Variants in CCSER1 observed in about 807,000 individuals in gnomAD.
CCSER1 encodes serine-rich coiled-coil domain-containing protein 1.
Under a neutral mutation model 82.0 loss-of-function variants are expected in CCSER1, and 41 were observed. That is an observed-to-expected ratio of 0.50 (90% CI 0.39 to 0.65). The LOEUF is 0.65. Ranked by LOEUF, CCSER1 falls within the 30% of genes least tolerant of loss-of-function variation. The probability of loss-of-function intolerance (pLI) is 0.00; values close to 1 mark genes in which losing one functional copy is unlikely to be tolerated. For missense variants in CCSER1, 1,119 were observed against 1,064.2 expected, an observed-to-expected ratio of 1.05 and a Z score of -0.72; for synonymous variants, 414 against 383.9, an observed-to-expected ratio of 1.08 and a Z score of -0.92.
At chr4:90,665,080 T>C (rs563853929) in intron 6 of CCSER1, among the ~76,000 whole-genome samples, 2 of 152,292 alleles carry the variant, frequency 1.3e-5, no homozygotes, top group East Asian at 3.9e-4. Flanking sequence ...ACTTTTGGCT[T>C]TCTATTACAT....
intron 5 of CCSER1, among the ~76,000 whole-genome samples, chr4:90,527,360 G>A (rs77273849): frequency 0.051 from 7,716 of 152,168 alleles, 243 homozygotes; most frequent in African/African-American, 0.056. Flanking sequence ...ATGATCACTG[G>A]TCATTAAGGA....
At chr4:90,328,482 A>C (rs1272974664) in intron 3 of CCSER1, among the ~76,000 whole-genome samples, 2 of 152,194 alleles carry the variant, frequency 1.3e-5, no homozygotes, top group East Asian at 3.8e-4. Flanking sequence ...TGTCATTTAA[A>C]GTAGGACCTC....
At chr4:91,384,139 A>T (rs1751117678) in intron 10 of CCSER1, among the ~76,000 whole-genome samples, 1 of 152,040 alleles carries the variant, frequency 6.6e-6, no homozygotes, top group Admixed American at 6.6e-5. Flanking sequence ...GGTTAATTTA[A>T]TCTTCTTTTG....
chr4:90,735,703 T>C (rs1745522321), intron 7 of CCSER1, among the ~76,000 whole-genome samples: 2 of 152,128 alleles, frequency 1.3e-5, no homozygotes, highest in Non-Finnish European at 2.9e-5. Context: ...CTCTCTGTTT[T>C]CTTAGTCTGG....
intron 9 of CCSER1, among the ~76,000 whole-genome samples, chr4:91,030,322 A>T (rs910622273): frequency 3.3e-5 from 5 of 152,186 alleles, no homozygotes; most frequent in African/African-American, 1.2e-4. Flanking sequence ...GAAATATTCC[A>T]TATTTACTGT....
At chr4:90,906,065 A>C (rs1300094336) in intron 8 of CCSER1, among the ~76,000 whole-genome samples, 1 of 152,172 alleles carries the variant, frequency 6.6e-6, no homozygotes, top group African/African-American at 2.4e-5. Context: ...AATTAAGTCC[A>C]GCTTTAAATG....
chr4:90,173,624 A>G (rs901436237), intron 1 of CCSER1, among the ~76,000 whole-genome samples: 2 of 151,960 alleles, frequency 1.3e-5, no homozygotes, highest in East Asian at 1.9e-4. Flanking sequence ...AAGGTGAGCA[A>G]TCCAAGAGGC....
intron 10 of CCSER1, among the ~76,000 whole-genome samples, chr4:91,558,666 G>A (rs1366061501): frequency 6.6e-6 from 1 of 151,528 alleles, no homozygotes; most frequent in Non-Finnish European, 1.5e-5. Context: ...CTTACATGGT[G>A]GTGGCAAGAG....
chr4:90,804,223 C>A (rs1187429315), intron 7 of CCSER1, among the ~76,000 whole-genome samples: 1 of 152,064 alleles, frequency 6.6e-6, no homozygotes, highest in African/African-American at 2.4e-5. Flanking sequence ...TTAATTAGAT[C>A]CCATTTGTCA....
chr4:90,947,945 A>AT (rs796800153), intron 9 of CCSER1, among the ~76,000 whole-genome samples: 39 of 152,196 alleles, frequency 2.6e-4, no homozygotes, highest in African/African-American at 8.7e-4. Flanking sequence ...CATCTCCTAA[A>AT]TCATGTGTTG....
chr4:91,439,822 T>C (rs898500208), intron 10 of CCSER1, among the ~76,000 whole-genome samples: 2 of 152,148 alleles, frequency 1.3e-5, no homozygotes, highest in African/African-American at 4.8e-5. Context: ...ATCCTAGTCT[T>C]GGATAAAACA....
intron 9 of CCSER1, among the ~76,000 whole-genome samples, chr4:91,014,961 A>T (rs1362957481): frequency 9.8e-6 from 1 of 102,366 alleles, no homozygotes; most frequent in Non-Finnish European, 2.6e-5. Context: ...GAAATTGTGC[A>T]GATAAATTAC....
At chr4:91,478,007 G>A (rs142195906) in intron 10 of CCSER1, among the ~76,000 whole-genome samples, 3 of 151,762 alleles carry the variant, frequency 2.0e-5, no homozygotes, top group Non-Finnish European at 4.4e-5. Context: ...TTGACCACTA[G>A]ACAATAATCT....
chr4:90,298,241 A>C (rs943963169), intron 1 of CCSER1, among the ~76,000 whole-genome samples: 11 of 151,968 alleles, frequency 7.2e-5, no homozygotes, highest in Non-Finnish European at 1.3e-4. Context: ...TGTGTCGAGG[A>C]ATTTATCCAT....
intron 5 of CCSER1, among the ~76,000 whole-genome samples, chr4:90,615,053 C>G (rs1291147853): frequency 6.6e-6 from 1 of 152,096 alleles, no homozygotes; most frequent in Non-Finnish European, 1.5e-5. Flanking sequence ...TGTCTGTGCT[C>G]AATTAATGAA....
intron 10 of CCSER1, among the ~76,000 whole-genome samples, chr4:91,327,965 A>C (rs1013763359): frequency 6.6e-6 from 1 of 152,136 alleles, no homozygotes; most frequent in Non-Finnish European, 1.5e-5. Flanking sequence ...CCTCATCTCC[A>C]TCTGAGACCA....
At chr4:91,550,237 T>G (rs542230166) in intron 10 of CCSER1, among the ~76,000 whole-genome samples, 1 of 152,350 alleles carries the variant, frequency 6.6e-6, no homozygotes, top group Admixed American at 6.5e-5. Context: ...GAATGTTTTC[T>G]GGTATTTATT....
chr4:91,224,284 G>T (rs1009836707), intron 10 of CCSER1, among the ~76,000 whole-genome samples: 2 of 152,048 alleles, frequency 1.3e-5, no homozygotes, highest in Admixed American at 1.3e-4. Flanking sequence ...TTATACAAAA[G>T]TATGCAGCAC....
rs368372087 is a variant in CCSER1, at chr4:91,548,386, TGTTAA to T, written c.2218-50180_2218-50176del. On this transcript the variant is annotated intron_variant, in intron 10 of 10. Transcript: ENST00000509176. ...CTATTATTTTGAAGGAATATATTTC[TGTTAA>T]GTTAACTAAAAATATGCAAAATAAG... Among the ~76,000 whole-genome samples the T allele has an allele frequency of 7.6e-3, 1,017 of 133,026 alleles. 9 individuals are homozygous for T. Among genetic ancestry groups the T allele is most frequent in the African/African-American group, 0.026 (904 of 34,786 alleles). The allele number at this position is 133,026 out of a possible 152,430, so 87.3% of individuals were successfully genotyped here. A position where few individuals can be genotyped will look rare whatever the true frequency, so the allele number is the denominator to read the frequency against.
Sources: allele counts gnomAD v4.1 joint callset (sites outside exome capture counted in the v4.1 genomes callset), GRCh38; gene constraint gnomAD v4.1.1; transcripts MANE v1.5; gene names NCBI Gene and HGNC (gene_info 2026-07-23, HGNC 2026-07-21).